The following DGAT2 variants were observed in gnomAD, a reference collection of about 807,000 sequenced individuals.
DGAT2 encodes the protein diacylglycerol O-acyltransferase 2.
Under a neutral mutation model 48.4 loss-of-function variants are expected in DGAT2, and 33 were observed. The ratio of observed to expected loss-of-function variants is 0.68; its 90% CI spans 0.52 to 0.91. DGAT2 has a LOEUF of 0.91. Among genes scored for constraint, DGAT2 ranks in the 40% least tolerant of loss-of-function variants. The pLI is 0.00. For missense variants in DGAT2, 446 were observed against 493.7 expected (o/e 0.90, Z 0.92); for synonymous variants, 191 against 194.1 (o/e 0.98, Z 0.13).
chr11:75,791,945 G>A (rs1944993792), intron 4 of DGAT2, among the ~76,000 whole-genome samples: 1 of 152,234 alleles, frequency 6.6e-6, no homozygotes, highest in Non-Finnish European at 1.5e-5. Context: ...TCTGCAAAAT[G>A]GAGCTGTCTG....
chr11:75,790,118 C>G, intron 2 of DGAT2, 70 bp from the exon 3 acceptor site: 1 of 1,154,770 alleles, frequency 8.7e-7, no homozygotes, highest in Non-Finnish European at 1.3e-6. Context: ...TAAACACTCA[C>G]TCCATCCACC....
chr11:75,778,299 T>C lies in DGAT2; in HGVS notation c.122-6319T>C, dbSNP rs535446024. Among the ~76,000 whole-genome samples the C allele has an allele frequency of 2.0e-5, 3 of 152,328 alleles. No homozygotes were observed. In the South Asian group the frequency reaches 6.2e-4, roughly 32 times the overall value. ...ACCACAGTGCGCACTTTCCTCCTGT[T>C]TGACCCCTAGATCTTGTCTTCAGGG... On this transcript the variant is annotated intron_variant, in intron 1 of 7. Coordinates refer to ENST00000228027, the MANE Select transcript of DGAT2 (RefSeq NM_032564.5).
intron 4 of DGAT2, chr11:75,795,511 A>C (rs1945041373): frequency 6.6e-6 from 1 of 152,312 alleles, no homozygotes; most frequent in Non-Finnish European, 1.5e-5. Context: ...CACCAGCCCC[A>C]GGGCAGGAGG....
chr11:75,779,337 G>A (rs572916460), intron 1 of DGAT2, among the ~76,000 whole-genome samples: 1 of 152,282 alleles, frequency 6.6e-6, no homozygotes, highest in South Asian at 2.1e-4. Context: ...TGGGGCCAGC[G>A]CTCAACAGCG....
At chr11:75,779,211 G>A (rs554985197) in intron 1 of DGAT2, among the ~76,000 whole-genome samples, 35 of 152,160 alleles carry the variant, frequency 2.3e-4, no homozygotes, top group Non-Finnish European at 4.3e-4. Context: ...TGCGGGGGTG[G>A]AATCCAGTCT....
chr11:75,784,593 G>T (rs1944900885), intron 1 of DGAT2, 25 bp from the exon 2 acceptor site: 1 of 1,613,084 alleles, frequency 6.2e-7, no homozygotes, highest in Non-Finnish European at 8.5e-7. Flanking sequence ...GGTGACAGTG[G>T]ACTGACATCT....
In DGAT2 at chr11:75,798,371, C is replaced by G. The variant is rs778300493; in HGVS notation, c.954C>G (p.Gly318=). ...GFAPCIFHGR[G]LFSSDTWGLV... is the part of the protein sequence containing the mutation. ...CCCCATGCATCTTCCATGGTCGAGG[C>G]CTCTTCTCCTCCGACACCTGGGGGC... is the stretch of plus-strand genomic sequence containing the variant. Residue 318 remains glycine, a synonymous_variant, in exon 7 of 8, where the codon GGC becomes GGG. Coordinates refer to ENST00000228027, the MANE Select transcript of DGAT2 (RefSeq NM_032564.5). 3 of 1,614,044 alleles carry G rather than the reference C, an allele frequency of 1.9e-6. No homozygotes were observed. Among genetic ancestry groups the G allele is most frequent in the Non-Finnish European group, 2.5e-6 (3 of 1,180,024 alleles).
intron 1 of DGAT2, among the ~76,000 whole-genome samples, chr11:75,780,215 T>G (rs78087987): frequency 6.6e-6 from 1 of 152,240 alleles, no homozygotes; most frequent in Non-Finnish European, 1.5e-5. Flanking sequence ...GGCATCTGAT[T>G]GCAGCATCGG....
chr11:75,780,951 G>C (rs948048589), intron 1 of DGAT2, among the ~76,000 whole-genome samples: 7 of 152,272 alleles, frequency 4.6e-5, no homozygotes, highest in Non-Finnish European at 1.5e-5. Flanking sequence ...AGAGTGGCCA[G>C]AGCACCTCCT....
chr11:75,769,183 T>TG (rs1944731563), intron 1 of DGAT2, 71 bp downstream of exon 1: 1 of 1,471,584 alleles, frequency 6.8e-7, no homozygotes, highest in African/African-American at 1.5e-5. Flanking sequence ...GGCAGGCTGG[T>TG]GGGTACTGAT....
chr11:75,776,561 G>A (rs1944804815), intron 1 of DGAT2: 1 of 152,232 alleles, frequency 6.6e-6, no homozygotes, highest in East Asian at 1.9e-4. Flanking sequence ...ACTAGACTTA[G>A]AAGCAATAGA....
chr11:75,784,462 G>C, intron 1 of DGAT2, 156 bp from the exon 2 acceptor site: 1 of 950,662 alleles, frequency 1.1e-6, no homozygotes, highest in South Asian at 1.8e-5. Flanking sequence ...AAAGCCATGA[G>C]GTGGAGGGCT....
At chr11:75,780,944 G>C (rs187220563) in intron 1 of DGAT2, among the ~76,000 whole-genome samples, 9 of 152,380 alleles carry the variant, frequency 5.9e-5, no homozygotes, top group Admixed American at 5.9e-4. Context: ...GGCCTGAAGA[G>C]TGGCCAGAGC....
intron 5 of DGAT2, chr11:75,796,796 T>G (rs1945061480): frequency 3.8e-6 from 2 of 531,686 alleles, no homozygotes; most frequent in East Asian, 6.5e-5. Flanking sequence ...TGTGTTGCCT[T>G]TTGTACAACC....
chr11:75,790,341 T>TC (rs776572511), intron 3 of DGAT2, 46 bp downstream of exon 3: 1 of 1,482,586 alleles, frequency 6.7e-7, no homozygotes, highest in Non-Finnish European at 9.4e-7. Context: ...CTAGGGATGC[T>TC]CTTCCCCCTG....
intron 1 of DGAT2, among the ~76,000 whole-genome samples, chr11:75,769,721 C>G (rs1944737719): frequency 6.6e-6 from 1 of 152,054 alleles, no homozygotes; most frequent in African/African-American, 2.4e-5. Context: ...CGAGGAATAG[C>G]AACTCTTCCA....
At chr11:75,796,588 T>A (rs1429091853) in intron 5 of DGAT2, 56 bp downstream of exon 5, 1 of 1,557,626 alleles carries the variant, frequency 6.4e-7, no homozygotes, top group Non-Finnish European at 8.7e-7. Flanking sequence ...CCTGAGCCTC[T>A]CCATCGGGCA....
chr11:75,779,537 G>A lies in DGAT2; in HGVS notation c.122-5081G>A, dbSNP rs181121667. Among the ~76,000 whole-genome samples the A allele has an allele frequency of 4.5e-4, 68 of 152,290 alleles. 1 individual carries two copies. The highest frequency in any genetic ancestry group is 1.8e-3 in the Admixed American group (27 of 15,304). On this transcript the variant is annotated intron_variant, in intron 1 of 7. Coordinates refer to ENST00000228027, the MANE Select transcript of DGAT2 (RefSeq NM_032564.5). ...CCAGAGAGTGCTGTGGGACGGTGAA[G>A]CCCCACATAGGCGCAGGAGAAGGGG...
chr11:75,770,488 G>C lies in DGAT2; in HGVS notation c.121+1376G>C, dbSNP rs148605142. 3.4e-3 allele frequency among the ~76,000 whole-genome samples: 522 copies of C among 152,242 alleles called. 2 individuals carry two copies. Among genetic ancestry groups the C allele is most frequent in the African/African-American group, 0.012 (485 of 41,524 alleles). Reference sequence around the variant, plus strand: ...ACTTGAGTCCTTTTCTGTTCCCTGTGTCCTTTGATGTCCTTAGGGACATCA... The same window carrying C: ...ACTTGAGTCCTTTTCTGTTCCCTGTCTCCTTTGATGTCCTTAGGGACATCA... On this transcript the variant is annotated intron_variant, in intron 1 of 7. Coordinates refer to ENST00000228027, the MANE Select transcript of DGAT2 (RefSeq NM_032564.5).
Sources: allele counts gnomAD v4.1 joint callset (sites outside exome capture counted in the v4.1 genomes callset), GRCh38; gene constraint gnomAD v4.1.1; transcripts MANE v1.5; gene names NCBI Gene and HGNC (gene_info 2026-07-23, HGNC 2026-07-21).